Variants in PCDH7 observed in about 807,000 individuals in gnomAD.
PCDH7 encodes protocadherin-7.
Under a neutral mutation model 58.9 loss-of-function variants are expected in PCDH7, and 17 were observed. The ratio of observed to expected loss-of-function variants is 0.29; its 90% CI spans 0.20 to 0.43. PCDH7 has a LOEUF of 0.43. Ranked by LOEUF, PCDH7 falls within the 20% of genes least tolerant of loss-of-function variation. PCDH7 has a pLI of 1.00. For missense variants in PCDH7, 1,274 were observed against 1,441.0 expected (o/e 0.88, Z 1.88); for synonymous variants, 664 against 616.4 (o/e 1.08, Z -1.14).
At chr4:30,960,698 G>A (rs1267459646) in intron 3 of PCDH7, among the ~76,000 whole-genome samples, 2 of 151,998 alleles carry the variant, frequency 1.3e-5, no homozygotes, top group Non-Finnish European at 2.9e-5. Flanking sequence ...TTTGTTTCAG[G>A]CTTTTCCTGG....
intron 3 of PCDH7, among the ~76,000 whole-genome samples, chr4:31,082,023 C>A (rs760966205): frequency 6.6e-6 from 1 of 152,034 alleles, no homozygotes; most frequent in Non-Finnish European, 1.5e-5. Context: ...CCTGACCTCG[C>A]GATCTGCCCA....
chr4:31,093,756 G>T (rs1041908298), intron 3 of PCDH7, among the ~76,000 whole-genome samples: 1 of 152,060 alleles, frequency 6.6e-6, no homozygotes, highest in African/African-American at 2.4e-5. Flanking sequence ...GAAGTTATAC[G>T]TTGAAAGGCA....
intron 3 of PCDH7, among the ~76,000 whole-genome samples, chr4:31,087,858 A>G (rs186195205): frequency 2.0e-4 from 30 of 152,226 alleles, no homozygotes; most frequent in African/African-American, 5.1e-4. Context: ...CATTATTAAC[A>G]TGTAGTAGGT....
chr4:30,746,072 G>T (rs1016708123), intron 1 of PCDH7, among the ~76,000 whole-genome samples: 7 of 151,922 alleles, frequency 4.6e-5, no homozygotes, highest in East Asian at 1.9e-4. Flanking sequence ...CAAGTGATCC[G>T]CCTGCCTCAG....
At chr4:30,935,390 T>C in intron 2 of PCDH7, 8 of 843,118 alleles carry the variant, frequency 9.5e-6, no homozygotes, top group Non-Finnish European at 1.1e-5. Context: ...TGGTTTCCAA[T>C]TCTCTAGACT....
At chr4:30,980,183 T>C (rs1001213582) in intron 3 of PCDH7, among the ~76,000 whole-genome samples, 2 of 152,182 alleles carry the variant, frequency 1.3e-5, no homozygotes, top group African/African-American at 4.8e-5. Flanking sequence ...ATTACAAATC[T>C]CATCATAAAA....
chr4:30,986,272 T>A (rs1750957263), intron 3 of PCDH7, among the ~76,000 whole-genome samples: 1 of 152,126 alleles, frequency 6.6e-6, no homozygotes. Context: ...CTGATGACAT[T>A]AATATTCAGG....
At position 30,940,087 on chromosome 4, in the gene PCDH7, G is replaced by A. The variant is rs144321048; in HGVS notation, c.288-10033G>A. 2.4e-3 allele frequency among the ~76,000 whole-genome samples: 361 copies of A among 151,162 alleles called. 3 individuals carry two copies. The highest frequency in any genetic ancestry group is 8.4e-3 in the African/African-American group (344 of 41,190). On this transcript the variant is annotated intron_variant, in intron 2 of 3. Coordinates refer to the PCDH7 transcript ENST00000509759. ...CAGATTGAAGAGTAATGATGTGGTAGGCAAAAAAACAAACAAACAAAAAAA... is the reference window on the plus strand; with the variant it reads ...CAGATTGAAGAGTAATGATGTGGTAAGCAAAAAAACAAACAAACAAAAAAA...
chr4:30,984,934 G>A (rs756684027), intron 3 of PCDH7, among the ~76,000 whole-genome samples: 8 of 151,806 alleles, frequency 5.3e-5, no homozygotes, highest in Admixed American at 5.3e-4. Flanking sequence ...AAAAAGAAGG[G>A]GACATTTGTG....
chr4:30,817,080 T>G (rs1727780991), intron 1 of PCDH7, among the ~76,000 whole-genome samples: 1 of 152,200 alleles, frequency 6.6e-6, no homozygotes, highest in African/African-American at 2.4e-5. Context: ...AATCTCTATT[T>G]TGAGGAATTT....
intron 3 of PCDH7, among the ~76,000 whole-genome samples, chr4:30,979,338 A>G (rs1750355383): frequency 1.3e-5 from 2 of 151,298 alleles, no homozygotes; most frequent in African/African-American, 4.9e-5. Context: ...AAAAAAAAAA[A>G]AGAAAAAAAA....
chr4:30,757,887 A>T (rs919411853), intron 1 of PCDH7, among the ~76,000 whole-genome samples: 3 of 152,202 alleles, frequency 2.0e-5, no homozygotes, highest in Non-Finnish European at 4.4e-5. Context: ...AAAGCAACAA[A>T]CATTCATATA....
intron 1 of PCDH7, among the ~76,000 whole-genome samples, chr4:30,741,218 T>C (rs190798842): frequency 2.9e-4 from 44 of 152,280 alleles, no homozygotes; most frequent in African/African-American, 9.9e-4. Context: ...AGTCCACTTA[T>C]GCATTTATAG....
At chr4:31,040,970 A>T (rs878974832) in intron 3 of PCDH7, among the ~76,000 whole-genome samples, 7 of 152,058 alleles carry the variant, frequency 4.6e-5, no homozygotes, top group Non-Finnish European at 8.8e-5. Flanking sequence ...GTGGAAAAAC[A>T]TTGAAAAATA....
At position 30,722,755 on chromosome 4, in the gene PCDH7, G is replaced by C. The variant is rs779306236; in HGVS notation, c.1333G>C (p.Val445Leu). The stretch of plus-strand genomic sequence containing the variant: ...TCTGGTCGACACCCCCATCGCTCTG[G>C]TGCAGGTGTCCGACCGAGACCAAGG... The change falls in exon 1 of 2, where the codon GTG becomes CTG. Residue 445 changes from valine to leucine, a missense_variant. Physicochemically the swap from Val to Leu is conservative, Grantham distance 32 (BLOSUM62 1). This residue lies in a region of PCDH7 where 731 missense variants were observed against 881.9 expected (regional missense o/e 0.83). Transcript: ENST00000361762. This position sits in a 1 kb window ranked among gnomAD's most constrained non-coding sequence, Gnocchi z 7.6. 6.2e-7 allele frequency: 1 copy of C among 1,613,564 alleles called. No homozygotes were observed. Among genetic ancestry groups the C allele is most frequent in the Non-Finnish European group, 8.5e-7 (1 of 1,180,040 alleles).
At chr4:31,116,546 G>T (rs1319939532) in intron 3 of PCDH7, among the ~76,000 whole-genome samples, 1 of 152,172 alleles carries the variant, frequency 6.6e-6, no homozygotes, top group Non-Finnish European at 1.5e-5. Flanking sequence ...GCAAGTAGTT[G>T]ATGGGGCTGC....
intron 3 of PCDH7, among the ~76,000 whole-genome samples, chr4:31,097,061 A>C (rs1359631566): frequency 6.6e-6 from 1 of 152,026 alleles, no homozygotes; most frequent in Non-Finnish European, 1.5e-5. Flanking sequence ...TTTGTTTTAG[A>C]TAAAGCCAAT....
chr4:30,909,928 C>T (rs1286040752), intron 1 of PCDH7, among the ~76,000 whole-genome samples: 2 of 152,130 alleles, frequency 1.3e-5, no homozygotes, highest in Non-Finnish European at 2.9e-5. Context: ...TCAAACTATA[C>T]TACAAGGCTA....
chr4:30,756,406 C>G (rs549300242), intron 1 of PCDH7, among the ~76,000 whole-genome samples: 1 of 152,000 alleles, frequency 6.6e-6, no homozygotes. Context: ...AGCACCCACC[C>G]GGAAGATGAG....
Sources: allele counts gnomAD v4.1 joint callset (sites outside exome capture counted in the v4.1 genomes callset), GRCh38; gene constraint gnomAD v4.1.1; regional missense constraint gnomAD v4.1.1; non-coding constraint Gnocchi (gnomAD v3.1); transcripts MANE v1.5; gene names NCBI Gene and HGNC (gene_info 2026-07-23, HGNC 2026-07-21).